The following CEP85L variants were observed in gnomAD, a reference collection of about 807,000 sequenced individuals.
The protein encoded by CEP85L is centrosomal protein of 85 kDa-like.
Under a neutral mutation model 100.3 loss-of-function variants are expected in CEP85L, and 60 were observed. The observed-to-expected ratio is 0.60, with a 90% CI of 0.49 to 0.74. CEP85L has a LOEUF of 0.74. Ranked by LOEUF, CEP85L falls within the 30% of genes least tolerant of loss-of-function variation. The pLI, the probability that CEP85L is intolerant of heterozygous loss-of-function variation, is 0.00. For synonymous variants in CEP85L, 319 were observed against 322.7 expected (o/e 0.99, Z 0.12); for missense variants, 973 against 936.2 (o/e 1.04, Z -0.51).
At chr6:118,534,419 G>A (rs567777986) in intron 3 of CEP85L, among the ~76,000 whole-genome samples, 14 of 151,936 alleles carry the variant, frequency 9.2e-5, no homozygotes, top group South Asian at 4.2e-4. Context: ...TTGGGAGGCC[G>A]AAGTGGGCGG....
At chr6:118,510,493 T>A (rs928890636) in intron 5 of CEP85L, among the ~76,000 whole-genome samples, 1 of 152,022 alleles carries the variant, frequency 6.6e-6, no homozygotes, top group Admixed American at 6.6e-5. Context: ...GAGAAATACA[T>A]ATTAAAACCA....
Position 118,491,821 on chromosome 6 carries a change from T to C in CEP85L, c.1302A>G (p.Glu434=), listed in dbSNP as rs1032866902. 6.2e-7 allele frequency: 1 copy of C among 1,612,820 alleles called. No homozygotes were observed. The highest frequency in any genetic ancestry group is 1.3e-5 in the African/African-American group (1 of 74,958). ...NTSLQTPFSE[E]SVSHSQQGEF... is the part of the protein sequence containing the mutation. ...CCCCTTGTTGGGAATGGGAAACTGATTCCTCTGAAAATGGTGTCTGGAGTG... is the reference window on the plus strand; with the variant it reads ...CCCCTTGTTGGGAATGGGAAACTGACTCCTCTGAAAATGGTGTCTGGAGTG... Residue 434 remains glutamate (E), a synonymous_variant, in exon 6 of 13, where the codon GAA becomes GAG. Coordinates refer to ENST00000368491, the MANE Select transcript of CEP85L (RefSeq NM_001042475.3).
At chr6:118,466,013 TCACA>T (rs148037771) in intron 12 of CEP85L, among the ~76,000 whole-genome samples, 1 of 151,356 alleles carries the variant, frequency 6.6e-6, no homozygotes, top group African/African-American at 2.4e-5. Flanking sequence ...ATAGTAAGTG[TCACA>T]CACACACACA....
chr6:118,697,049 C>A (rs1777238281), intron 1 of CEP85L, among the ~76,000 whole-genome samples: 1 of 152,110 alleles, frequency 6.6e-6, no homozygotes, highest in South Asian at 2.1e-4. Context: ...ACAGCAGACT[C>A]CCTTCAATTT....
chr6:118,613,117 C>T (rs563445758), intron 2 of CEP85L, among the ~76,000 whole-genome samples: 1 of 152,066 alleles, frequency 6.6e-6, no homozygotes, highest in African/African-American at 2.4e-5. Context: ...GAGGCTGAGG[C>T]AAGAGAATCG....
chr6:118,663,894 A>T (rs1776049977), intron 1 of CEP85L, among the ~76,000 whole-genome samples: 1 of 150,102 alleles, frequency 6.7e-6, no homozygotes. Context: ...TTATTGTTGT[A>T]CTATTATTTT....
intron 1 of CEP85L, among the ~76,000 whole-genome samples, chr6:118,699,637 G>A (rs1404365443): frequency 6.6e-6 from 1 of 151,984 alleles, no homozygotes; most frequent in African/African-American, 2.4e-5. Flanking sequence ...TTTGAAGGAT[G>A]TATCATTTTG....
intron 5 of CEP85L, among the ~76,000 whole-genome samples, chr6:118,497,886 C>G (rs1322166357): frequency 2.0e-5 from 3 of 152,156 alleles, no homozygotes; most frequent in Non-Finnish European, 2.9e-5. Context: ...ATTTTAATTA[C>G]AGCAACAATG....
intron 2 of CEP85L, among the ~76,000 whole-genome samples, chr6:118,597,429 A>G (rs982519538): frequency 3.9e-4 from 59 of 152,192 alleles, no homozygotes; most frequent in African/African-American, 1.2e-3. Flanking sequence ...AAAAAGAGTC[A>G]AAGTTCAGCT....
At chr6:118,501,294 C>G (rs1775285232) in intron 5 of CEP85L, 1 of 367,242 alleles carries the variant, frequency 2.7e-6, no homozygotes, top group South Asian at 2.1e-5. Flanking sequence ...ACTTCTGGTC[C>G]AGGCCAGGCG....
chr6:118,618,130 T>C (rs1773189863), intron 2 of CEP85L, among the ~76,000 whole-genome samples: 1 of 152,084 alleles, frequency 6.6e-6, no homozygotes, highest in Admixed American at 6.6e-5. Context: ...CTCCCAGATA[T>C]CCAGGTTGAG....
At chr6:118,587,814 A>G (rs1780956104) in intron 2 of CEP85L, among the ~76,000 whole-genome samples, 1 of 152,216 alleles carries the variant, frequency 6.6e-6, no homozygotes, top group South Asian at 2.1e-4. Flanking sequence ...TCAAATTCCA[A>G]ATGACATCGT....
chr6:118,687,901 C>T (rs543412473), intron 1 of CEP85L, among the ~76,000 whole-genome samples: 2 of 152,284 alleles, frequency 1.3e-5, no homozygotes, highest in African/African-American at 2.4e-5. Flanking sequence ...CGGCTGAGTG[C>T]GTGTGTTCAT....
At chr6:118,575,842 C>T (rs996427425) in intron 2 of CEP85L, among the ~76,000 whole-genome samples, 1 of 151,952 alleles carries the variant, frequency 6.6e-6, no homozygotes, top group Admixed American at 6.6e-5. Flanking sequence ...AAAAAAACCT[C>T]CCGGGGGAAG....
At chr6:118,514,357 T>C (rs1053502288) in intron 4 of CEP85L, among the ~76,000 whole-genome samples, 1 of 151,856 alleles carries the variant, frequency 6.6e-6, no homozygotes, top group African/African-American at 2.4e-5. Flanking sequence ...AAACCCCATC[T>C]CCACTAAAAA....
At chr6:118,531,507 C>T (rs1163531743) in intron 3 of CEP85L, among the ~76,000 whole-genome samples, 1 of 152,052 alleles carries the variant, frequency 6.6e-6, no homozygotes, top group Non-Finnish European at 1.5e-5. Context: ...CAAAAGTTGA[C>T]AAATGGGACC....
chr6:118,533,911 A>G (rs1236522529), intron 3 of CEP85L, among the ~76,000 whole-genome samples: 2 of 152,134 alleles, frequency 1.3e-5, no homozygotes, highest in African/African-American at 2.4e-5. Context: ...CCTGGCCAAC[A>G]TGGTGAAACC....
chr6:118,701,781 GA>G (rs200253563), intron 1 of CEP85L, among the ~76,000 whole-genome samples: 1 of 149,410 alleles, frequency 6.7e-6, no homozygotes, highest in Non-Finnish European at 1.5e-5. Flanking sequence ...ATTAAAGTTG[GA>G]AAAAAAACAA....
At chr6:118,501,830 GA>G (rs1320460923) in intron 5 of CEP85L, 131 of 1,274,322 alleles carry the variant, frequency 1.0e-4, no homozygotes, top group Non-Finnish European at 1.3e-4. Flanking sequence ...GAGAGAGAGA[GA>G]GGACTCTGGA....
Sources: gnomAD v4.1 joint callset for allele counts (sites outside exome capture counted in the v4.1 genomes callset) on GRCh38, gnomAD v4.1.1 for gene constraint, MANE v1.5 for transcripts, NCBI Gene and HGNC (gene_info 2026-07-23, HGNC 2026-07-21) for gene names.